ANXA11: variants seen among roughly 807,000 people sequenced by gnomAD.
ANXA11 encodes the protein 56 kDa autoantigen.
In ANXA11, 57 loss-of-function variants were observed where a neutral mutation model predicts 64.7. The ratio of observed to expected loss-of-function variants is 0.88; its 90% CI spans 0.71 to 1.10. The LOEUF (loss-of-function observed/expected upper bound fraction) is 1.10, where lower values mean the gene tolerates loss of function less well. Ranked by LOEUF, ANXA11 falls within the 50% of genes least tolerant of loss-of-function variation. ANXA11 has a pLI of 0.00. For synonymous variants in ANXA11, 260 were observed against 265.2 expected, an observed-to-expected ratio of 0.98 and a Z score of 0.19; for missense variants, 675 against 670.7, an observed-to-expected ratio of 1.01 and a Z score of -0.07.
intron 1 of ANXA11, among the ~76,000 whole-genome samples, chr10:80,198,829 G>A (rs1016088975): frequency 6.6e-6 from 1 of 152,184 alleles, no homozygotes; most frequent in African/African-American, 2.4e-5. Flanking sequence ...GTGGCGTGGG[G>A]AAGATGACGA....
chr10:80,175,299 G>A (rs753367229), intron 2 of ANXA11, among the ~76,000 whole-genome samples: 10 of 152,204 alleles, frequency 6.6e-5, no homozygotes, highest in Admixed American at 2.0e-4. Context: ...CTGCCCGACA[G>A]GTGAGCAGGA....
intron 1 of ANXA11, among the ~76,000 whole-genome samples, chr10:80,185,764 C>T (rs1468699153): frequency 6.6e-6 from 1 of 152,156 alleles, no homozygotes; most frequent in Admixed American, 6.5e-5. Context: ...AAGGTTATAG[C>T]TATTGAATGG....
chr10:80,194,531 G>T (rs1846905153), intron 1 of ANXA11, among the ~76,000 whole-genome samples: 1 of 152,154 alleles, frequency 6.6e-6, no homozygotes, highest in Non-Finnish European at 1.5e-5. Flanking sequence ...AGTCGGGGGG[G>T]GAAGACAAAG....
chr10:80,189,165 C>T (rs923556036), intron 1 of ANXA11, among the ~76,000 whole-genome samples: 4 of 152,194 alleles, frequency 2.6e-5, no homozygotes, highest in African/African-American at 4.8e-5. Context: ...CAGTGAGAAG[C>T]GTCCTTCAAA....
At chr10:80,181,849 C>T (rs920880249) in intron 1 of ANXA11, among the ~76,000 whole-genome samples, 3 of 152,152 alleles carry the variant, frequency 2.0e-5, no homozygotes, top group South Asian at 2.1e-4. Flanking sequence ...GGATGTAAAG[C>T]GGTATAGGCA....
intron 4 of ANXA11, 40 bp from the exon 5 acceptor site, chr10:80,169,398 T>C: frequency 1.3e-6 from 2 of 1,597,298 alleles, no homozygotes; most frequent in Non-Finnish European, 1.7e-6. Context: ...CAATGGGCCC[T>C]GCTGCACTCC....
Position 80,154,816 on chromosome 10 carries a change from G to A in ANXA11, c.*1037C>T, listed in dbSNP as rs1484572705. 1 of 152,244 alleles carries A rather than the reference G, an allele frequency of 6.6e-6. No individual in the cohort carries two copies. The highest frequency in any genetic ancestry group is 1.5e-5 in the Non-Finnish European group (1 of 68,168). The allele number at this position is 152,244 out of a possible 1,614,324, so 9.4% of individuals were successfully genotyped here. On this transcript the variant is annotated 3_prime_UTR_variant, in exon 16 of 16. Transcript: ENST00000422982. ...CCCCGCCGAGGGGCACCAGGAATTAGCACACACCCTTCTTCCCTCCTGGGA... is the reference window on the plus strand; with the variant it reads ...CCCCGCCGAGGGGCACCAGGAATTAACACACACCCTTCTTCCCTCCTGGGA...
intron 1 of ANXA11, among the ~76,000 whole-genome samples, chr10:80,176,735 G>A (rs758349943): frequency 6.6e-5 from 10 of 151,920 alleles, no homozygotes; most frequent in South Asian, 4.1e-4. Flanking sequence ...GATGGCGCTC[G>A]TGGAGCTCAT....
rs1234574485 is a variant in ANXA11, at chr10:80,163,488, G to T, written c.1029+46C>A. Reference sequence around the variant, plus strand: ...CTCATTGCGGGGATCCCATCTCTTTGACTTCCATGGCTTGGGGGCCCCGAG... The same window carrying T: ...CTCATTGCGGGGATCCCATCTCTTTTACTTCCATGGCTTGGGGGCCCCGAG... On this transcript the variant is annotated intron_variant, in intron 10 of 15. Coordinates refer to ENST00000422982, the MANE Select transcript of ANXA11 (RefSeq NM_145868.2). 7 of 1,605,074 alleles carry T rather than the reference G, an allele frequency of 4.4e-6. No individual in the cohort carries two copies. The Admixed American group carries it at 6.8e-5, about 16-fold the overall frequency.
chr10:80,171,142 C>G, intron 3 of ANXA11: 1 of 1,452,268 alleles, frequency 6.9e-7, no homozygotes, highest in Non-Finnish European at 9.1e-7. Context: ...AGGTGGAGTT[C>G]CCCAAACACT....
chr10:80,158,019 C>A lies in ANXA11; in HGVS notation c.1283G>T (p.Cys428Phe). Residue 428 changes from cysteine to phenylalanine, a missense_variant, in exon 14 of 16, where the codon TGT becomes TTT. Cys to Phe is a radical substitution (Grantham distance 205, BLOSUM62 -2). Transcript: ENST00000422982. ...LEEGMLAVVK[C>F]LKNTPAFFAE... is the part of the protein sequence containing the mutation. ...AAAGAAGGCTGGGGTATTCTTGAGA[C>A]ATTTCACTAGAAGAGAGAAACTCGG... The A allele has an allele frequency of 6.2e-7, 1 of 1,614,072 alleles. No individual in the cohort carries two copies. The highest frequency in any genetic ancestry group is 8.5e-7 in the Non-Finnish European group (1 of 1,179,942).
intron 7 of ANXA11, chr10:80,166,568 TTA>T (rs1845749840): frequency 4.3e-6 from 2 of 461,312 alleles, no homozygotes; most frequent in African/African-American, 3.9e-5. Flanking sequence ...TGCAAAGCTC[TTA>T]CATCAGCTAA....
Position 80,155,776 on chromosome 10 carries a change from G to A in ANXA11, c.*77C>T. On this transcript the variant is annotated 3_prime_UTR_variant, in exon 16 of 16. Transcript: ENST00000422982. ...CTCGGGGCTATTTGTGGATTTGTTA[G>A]AAACAGACATTCTTTTGGCCTTTTC... 7.2e-7 allele frequency: 1 copy of A among 1,388,370 alleles called. No homozygotes were observed. Among genetic ancestry groups the A allele is most frequent in the South Asian group, 1.2e-5 (1 of 85,918 alleles). The allele number at this position is 1,388,370 out of a possible 1,614,324, so 86.0% of individuals were successfully genotyped here.
chr10:80,187,394 T>C (rs186656420), intron 1 of ANXA11, among the ~76,000 whole-genome samples: 42 of 152,314 alleles, frequency 2.8e-4, no homozygotes, highest in Admixed American at 8.5e-4. Context: ...AGACACTGAG[T>C]CTGCTGGCAC....
rs1416609336 is a variant in ANXA11, at chr10:80,161,951, C to T, written c.1164G>A (p.Arg388=). The stretch of plus-strand genomic sequence containing the variant: ...CTGCCTTACCTGCTACCAGGTGGGC[C>T]CGGCTCCGGGAGCACAGAACCGCAT... ...KFNAVLCSRS[R]AHLVAVFNEY... The change falls in exon 12 of 16, where the codon CGG becomes CGA. Residue 388 remains arginine (R), a synonymous_variant. Coordinates refer to ENST00000422982, the MANE Select transcript of ANXA11 (RefSeq NM_145868.2). 2 of 1,611,904 alleles carry T rather than the reference C, an allele frequency of 1.2e-6. No individual in the cohort carries two copies. Among genetic ancestry groups the T allele is most frequent in the Non-Finnish European group, 1.7e-6 (2 of 1,179,414 alleles).
In ANXA11 at chr10:80,205,333, CCTCA is replaced by C. The variant is rs1410874257; in HGVS notation, c.-58+6_-58+9del. On this transcript the variant is annotated splice_donor_region_variant and intron_variant, in intron 1 of 15. Transcript: ENST00000422982. ...CCCAGGCCCCCAGCCGGCTCGGGAC[CCTCA>C]CTCACCTGGCCACGGGGACTCCGGA... 1 of 151,852 alleles carries C rather than the reference CCTCA, an allele frequency of 6.6e-6. No homozygotes were observed. Among genetic ancestry groups the C allele is most frequent in the Non-Finnish European group, 1.5e-5 (1 of 67,962 alleles). The allele number at this position is 151,852 out of a possible 1,614,324, so 9.4% of individuals were successfully genotyped here.
chr10:80,161,591 T>C (rs1180064996), intron 12 of ANXA11, among the ~76,000 whole-genome samples: 1 of 152,228 alleles, frequency 6.6e-6, no homozygotes, highest in Admixed American at 6.5e-5. Context: ...AATGAATGAG[T>C]AAATGAATGG....
chr10:80,195,169 C>G (rs1379796456), intron 1 of ANXA11, among the ~76,000 whole-genome samples: 1 of 152,196 alleles, frequency 6.6e-6, no homozygotes, highest in Admixed American at 6.5e-5. Context: ...AAGCCCAGCC[C>G]CTTCAAGCCT....
At position 80,183,959 on chromosome 10, in the gene ANXA11, T is replaced by C. The variant is rs561707546; in HGVS notation, c.-57-7804A>G. ...ACCTAACTGTGGCTGTGGAATTCCATGGAGTGAGCCACAATCCTAATTAAT... is the reference window on the plus strand; with the variant it reads ...ACCTAACTGTGGCTGTGGAATTCCACGGAGTGAGCCACAATCCTAATTAAT... On this transcript the variant is annotated intron_variant, in intron 1 of 15. Coordinates refer to ENST00000422982, the MANE Select transcript of ANXA11 (RefSeq NM_145868.2). Among the ~76,000 whole-genome samples the C allele has an allele frequency of 5.3e-5, 8 of 152,252 alleles. No individual in the cohort carries two copies. In the South Asian group the frequency reaches 1.7e-3, roughly 32 times the overall value.
Sources: gnomAD v4.1 joint callset for allele counts (sites outside exome capture counted in the v4.1 genomes callset) on GRCh38, gnomAD v4.1.1 for gene constraint, MANE v1.5 for transcripts, NCBI Gene and HGNC (gene_info 2026-07-23, HGNC 2026-07-21) for gene names.